Variants in FNDC3B observed in about 807,000 individuals in gnomAD.
The protein encoded by FNDC3B is fibronectin type III domain containing 3B.
FNDC3B carries 12 observed loss-of-function variants against 151.5 expected under a neutral mutation model. The observed-to-expected ratio is 0.08, with a 90% CI of 0.05 to 0.13. The LOEUF is 0.13. FNDC3B is among the 10% of genes least tolerant of loss of function. The probability of loss-of-function intolerance (pLI) is 1.00; values close to 1 mark genes in which losing one functional copy is unlikely to be tolerated. For missense variants in FNDC3B, 1,214 were observed against 1,505.3 expected (o/e 0.81, Z 3.20); for synonymous variants, 528 against 549.0 (o/e 0.96, Z 0.54).
chr3:172,108,724 T>C (rs1365522100), intron 1 of FNDC3B, among the ~76,000 whole-genome samples: 2 of 152,358 alleles, frequency 1.3e-5, no homozygotes, highest in East Asian at 1.9e-4. Flanking sequence ...ATCTGTGACT[T>C]TCTACTGGGA....
intron 3 of FNDC3B, among the ~76,000 whole-genome samples, chr3:172,218,830 T>C (rs1726128424): frequency 6.6e-6 from 1 of 152,174 alleles, no homozygotes; most frequent in African/African-American, 2.4e-5. Flanking sequence ...TGGGAAGAAG[T>C]AGTCACAGGT....
At chr3:172,251,082 C>T (rs981373408) in intron 5 of FNDC3B, among the ~76,000 whole-genome samples, 178 bp from the exon 6 acceptor site, 1 of 152,054 alleles carries the variant, frequency 6.6e-6, no homozygotes, top group African/African-American at 2.4e-5. Context: ...CCTCCCAAAG[C>T]GTGAGCCACT....
In FNDC3B at chr3:172,040,111, C is replaced by T. The variant is rs893396756; in HGVS notation, c.-29+340C>T. On this transcript the variant is annotated intron_variant, in intron 1 of 25. Coordinates refer to ENST00000415807, the MANE Select transcript of FNDC3B (RefSeq NM_022763.4). The surrounding 1 kb of genome is among the most constrained non-coding windows in gnomAD (Gnocchi z 6.6). ...TGGGCAGTGGCTCGCGGCCTCCCCCCACCCCCAGCCTTCCCAGCAGATTTT... is the reference window on the plus strand; with the variant it reads ...TGGGCAGTGGCTCGCGGCCTCCCCCTACCCCCAGCCTTCCCAGCAGATTTT... 6.6e-6 allele frequency among the ~76,000 whole-genome samples: 1 copy of T among 152,196 alleles called. No homozygotes were observed. Among genetic ancestry groups the T allele is most frequent in the Non-Finnish European group, 1.5e-5 (1 of 68,018 alleles).
intron 6 of FNDC3B, among the ~76,000 whole-genome samples, chr3:172,264,263 C>T (rs926017525): frequency 2.0e-4 from 31 of 152,336 alleles, no homozygotes. Context: ...TACCAAAGGG[C>T]TGAGATTACA....
At chr3:172,172,956 T>C (rs1019606075) in intron 3 of FNDC3B, among the ~76,000 whole-genome samples, 2 of 152,228 alleles carry the variant, frequency 1.3e-5, no homozygotes, top group African/African-American at 2.4e-5. Flanking sequence ...TTTAATCTTA[T>C]ATTAATTGGG....
intron 21 of FNDC3B, among the ~76,000 whole-genome samples, chr3:172,349,951 C>T (rs928115775): frequency 6.6e-5 from 10 of 152,138 alleles, no homozygotes; most frequent in Non-Finnish European, 1.0e-4. Context: ...CCACCGTGCC[C>T]GGCCACCAGT....
intron 1 of FNDC3B, among the ~76,000 whole-genome samples, chr3:172,046,521 C>T (rs1198596697): frequency 6.6e-6 from 1 of 151,816 alleles, no homozygotes; most frequent in African/African-American, 2.4e-5. Flanking sequence ...CAGGGTTTCA[C>T]TTTGTGGCTC....
chr3:172,110,096 A>G (rs1337821779), intron 1 of FNDC3B, among the ~76,000 whole-genome samples: 1 of 152,206 alleles, frequency 6.6e-6, no homozygotes, highest in Non-Finnish European at 1.5e-5. Context: ...TGTCTCATTG[A>G]CAGCGGTCCT....
intron 1 of FNDC3B, among the ~76,000 whole-genome samples, chr3:172,099,216 A>C (rs1251657795): frequency 6.6e-6 from 1 of 152,188 alleles, no homozygotes; most frequent in African/African-American, 2.4e-5. Context: ...TAGGAACTGA[A>C]TTTCAATGTC....
chr3:172,133,157 T>C (rs1000067148), intron 2 of FNDC3B, among the ~76,000 whole-genome samples: 1 of 152,240 alleles, frequency 6.6e-6, no homozygotes, highest in African/African-American at 2.4e-5. Context: ...TGGTGTTTTT[T>C]CTTCTGTAAT....
intron 9 of FNDC3B, chr3:172,306,813 T>A (rs1731223392): frequency 6.5e-6 from 1 of 152,766 alleles, no homozygotes; most frequent in Non-Finnish European, 1.5e-5. Context: ...AACATTGTTT[T>A]TGTGGAATTA....
chr3:172,097,618 T>C (rs998407643), intron 1 of FNDC3B, among the ~76,000 whole-genome samples: 1 of 152,244 alleles, frequency 6.6e-6, no homozygotes, highest in South Asian at 2.1e-4. Context: ...TTATTCGTTA[T>C]TCTATTATCC....
At chr3:172,355,317 A>G (rs1734042383) in intron 22 of FNDC3B, among the ~76,000 whole-genome samples, 1 of 152,236 alleles carries the variant, frequency 6.6e-6, no homozygotes, top group South Asian at 2.1e-4. Flanking sequence ...CAGTGGTTCT[A>G]GCTTCCACTC....
intron 3 of FNDC3B, among the ~76,000 whole-genome samples, chr3:172,157,173 T>G (rs1722532643): frequency 6.6e-6 from 1 of 152,202 alleles, no homozygotes; most frequent in Admixed American, 6.5e-5. Flanking sequence ...CCAGCAAATA[T>G]TATTTTCCTT....
chr3:172,341,294 C>A, intron 17 of FNDC3B, 63 bp downstream of exon 17: 2 of 1,143,148 alleles, frequency 1.7e-6, no homozygotes, highest in Non-Finnish European at 2.7e-6. Flanking sequence ...CTGTCTATAA[C>A]ATCAGAAGCA....
intron 1 of FNDC3B, among the ~76,000 whole-genome samples, chr3:172,064,341 G>A (rs1717382799): frequency 6.6e-6 from 1 of 151,858 alleles, no homozygotes; most frequent in Admixed American, 6.6e-5. Flanking sequence ...AATTACCCAG[G>A]CTAAGGTATT....
chr3:172,184,096 A>T (rs1231190001), intron 3 of FNDC3B: 1 of 152,240 alleles, frequency 6.6e-6, no homozygotes, highest in Non-Finnish European at 1.5e-5. Flanking sequence ...CAAGTAAAAA[A>T]TGAATATTAA....
At chr3:172,131,171 CG>C (rs1721076480) in intron 2 of FNDC3B, among the ~76,000 whole-genome samples, 1 of 152,058 alleles carries the variant, frequency 6.6e-6, no homozygotes, top group South Asian at 2.1e-4. Context: ...CCGAGACGGA[CG>C]GATCACCTGA....
At chr3:172,252,082 C>T (rs957284626) in intron 6 of FNDC3B, among the ~76,000 whole-genome samples, 3 of 152,138 alleles carry the variant, frequency 2.0e-5, no homozygotes, top group African/African-American at 7.2e-5. Flanking sequence ...GAATGAGGGC[C>T]ACCACATATA....
Sources: allele counts gnomAD v4.1 joint callset (sites outside exome capture counted in the v4.1 genomes callset), GRCh38; gene constraint gnomAD v4.1.1; non-coding constraint Gnocchi (gnomAD v3.1); transcripts MANE v1.5; gene names NCBI Gene and HGNC (gene_info 2026-07-23, HGNC 2026-07-21).